Variants in COL9A1 observed in about 807,000 individuals in gnomAD.
COL9A1 encodes collagen type IX alpha 1 chain, also known as collagen alpha-1(IX) chain.
Under a neutral mutation model 142.6 loss-of-function variants are expected in COL9A1, and 104 were observed. The observed-to-expected ratio is 0.73, with a 90% CI of 0.62 to 0.86. The LOEUF is 0.86. COL9A1 is among the 40% of genes least tolerant of loss of function. The pLI, the probability that COL9A1 is intolerant of heterozygous loss-of-function variation, is 0.00. For missense variants in COL9A1, 1,210 were observed against 1,176.6 expected, an observed-to-expected ratio of 1.03 and a Z score of -0.42; for synonymous variants, 466 against 396.0, an observed-to-expected ratio of 1.18 and a Z score of -2.10.
chr6:70,252,888 T>C (rs532140124), intron 26 of COL9A1, among the ~76,000 whole-genome samples: 1 of 152,312 alleles, frequency 6.6e-6, no homozygotes, highest in East Asian at 1.9e-4. Context: ...CTCTATGTTA[T>C]TCACCTTTTA....
chr6:70,299,423 G>C (rs1183322085), intron 4 of COL9A1, among the ~76,000 whole-genome samples: 2 of 152,054 alleles, frequency 1.3e-5, no homozygotes, highest in Non-Finnish European at 2.9e-5. Flanking sequence ...CTAAATTGCT[G>C]AGATTCATTC....
At chr6:70,235,492 G>A (rs1769851423) in intron 33 of COL9A1, among the ~76,000 whole-genome samples, 1 of 151,912 alleles carries the variant, frequency 6.6e-6, no homozygotes, top group Non-Finnish European at 1.5e-5. Flanking sequence ...TTCTTTCGGG[G>A]ATAGTTATTC....
intron 12 of COL9A1, among the ~76,000 whole-genome samples, chr6:70,273,080 T>C (rs1014644541): frequency 1.1e-4 from 16 of 152,170 alleles, no homozygotes; most frequent in African/African-American, 1.9e-4. Flanking sequence ...CTGATAATGA[T>C]ATTATTATTT....
At chr6:70,274,231 C>G (rs534657716) in intron 11 of COL9A1, 149 bp from the exon 12 acceptor site, 7 of 541,184 alleles carry the variant, frequency 1.3e-5, no homozygotes, top group African/African-American at 8.0e-5. Context: ...TTCAGGGGTA[C>G]ATGTGCAGGA....
chr6:70,223,410 T>C (rs1769012889), intron 37 of COL9A1, among the ~76,000 whole-genome samples: 1 of 152,078 alleles, frequency 6.6e-6, no homozygotes, highest in Admixed American at 6.6e-5. Flanking sequence ...AAAACTGAGG[T>C]GTAGAGAAAT....
At chr6:70,254,066 T>C (rs7755873) in intron 25 of COL9A1, among the ~76,000 whole-genome samples, 23,538 of 152,196 alleles carry the variant, frequency 0.15, 2,097 homozygotes, top group Non-Finnish European at 0.21. Context: ...ATTTGAATGA[T>C]TAAAAATAGT....
chr6:70,255,653 A>G (rs1771236054), intron 21 of COL9A1, among the ~76,000 whole-genome samples: 1 of 152,258 alleles, frequency 6.6e-6, no homozygotes, highest in Non-Finnish European at 1.5e-5. Context: ...TGTGTGTAAC[A>G]TATAATGGAT....
rs57504613 is a variant in COL9A1, at chr6:70,265,500, C to CTTT, written c.1341+1214_1341+1216dup. ...TTTAATTTAGTCCCCTGTGCTTGTA[C>CTTT]TTTTTTTTTTTTTTTTGGCTTCTGT... is the stretch of plus-strand genomic sequence containing the variant. On this transcript the variant is annotated intron_variant, in intron 18 of 37. Transcript: ENST00000357250. 3.7e-4 allele frequency among the ~76,000 whole-genome samples: 51 copies of CTTT among 136,586 alleles called. 1 individual carries two copies. The highest frequency in any genetic ancestry group is 9.3e-4 in the South Asian group (4 of 4,290). 89.6% of individuals were successfully genotyped at this position (136,586 alleles called of 152,430 possible).
chr6:70,262,678 T>C (rs565304158), intron 19 of COL9A1, among the ~76,000 whole-genome samples: 57 of 152,372 alleles, frequency 3.7e-4, no homozygotes, highest in Non-Finnish European at 7.9e-4. Context: ...AGGCAAATTC[T>C]GATTTAACAA....
chr6:70,256,596 A>T (rs1366348779), intron 21 of COL9A1, among the ~76,000 whole-genome samples, 172 bp downstream of exon 21: 1 of 152,160 alleles, frequency 6.6e-6, no homozygotes, highest in African/African-American at 2.4e-5. Context: ...GAACATTTCT[A>T]TGTACCCGAG....
At chr6:70,283,378 G>C (rs980613844) in intron 6 of COL9A1, 2 of 800,456 alleles carry the variant, frequency 2.5e-6, no homozygotes, top group African/African-American at 1.7e-5. Flanking sequence ...CCCCAGTGCA[G>C]CTTCTGGCTG....
downstream of COL9A1, chr6:70,215,520 A>T (rs1033361426): frequency 1.3e-5 from 2 of 152,276 alleles, no homozygotes; most frequent in Non-Finnish European, 2.9e-5. Context: ...GCTCTGTGAT[A>T]TAAAATGAAT....
At chr6:70,223,297 T>C (rs1387977491) in intron 37 of COL9A1, among the ~76,000 whole-genome samples, 4 of 152,224 alleles carry the variant, frequency 2.6e-5, no homozygotes, top group Admixed American at 1.3e-4. Flanking sequence ...GCGCCTACTA[T>C]AGCCAGGAAC....
chr6:70,259,880 G>C (rs1383592647), intron 20 of COL9A1, among the ~76,000 whole-genome samples: 2 of 152,106 alleles, frequency 1.3e-5, no homozygotes, highest in African/African-American at 2.4e-5. Context: ...GGGCAGGCTA[G>C]TGTCCTCCAG....
chr6:70,242,883 C>T (rs943267784), intron 28 of COL9A1, among the ~76,000 whole-genome samples, 168 bp from the exon 29 acceptor site: 1 of 152,176 alleles, frequency 6.6e-6, no homozygotes. Context: ...TTGAATGATT[C>T]GAATGCTGTT....
At chr6:70,229,795 T>C (rs1347313200) in intron 36 of COL9A1, among the ~76,000 whole-genome samples, 2 of 152,182 alleles carry the variant, frequency 1.3e-5, no homozygotes, top group Non-Finnish European at 2.9e-5. Flanking sequence ...TATAATATTG[T>C]GTAAAGCATG....
At position 70,272,123 on chromosome 6, in the gene COL9A1, G is replaced by T. The variant is rs183304560; in HGVS notation, c.1066-35C>A. On this transcript the variant is annotated intron_variant, in intron 12 of 37. Transcript: ENST00000357250. ...TACAATAAAAATGGTTATAGCTTGA[G>T]GTTTATACTTAGTATAAATATGAAT... 289 of 1,577,978 alleles carry T rather than the reference G, an allele frequency of 1.8e-4. No homozygotes were observed. In the African/African-American group the frequency reaches 3.5e-3, roughly 19 times the overall value.
intron 36 of COL9A1, among the ~76,000 whole-genome samples, chr6:70,230,399 C>T (rs990507932): frequency 1.9e-4 from 29 of 151,454 alleles, no homozygotes; most frequent in African/African-American, 2.4e-4. Context: ...AATCTGATAA[C>T]GAGAAAGGGA....
intron 21 of COL9A1, among the ~76,000 whole-genome samples, chr6:70,255,723 G>C (rs542754202): frequency 1.3e-5 from 2 of 152,144 alleles, no homozygotes; most frequent in African/African-American, 2.4e-5. Context: ...TTCATTGACT[G>C]TTATAGAGGT....
Sources: allele counts gnomAD v4.1 joint callset (sites outside exome capture counted in the v4.1 genomes callset), GRCh38; gene constraint gnomAD v4.1.1; transcripts MANE v1.5; gene names NCBI Gene and HGNC (gene_info 2026-07-23, HGNC 2026-07-21).